The following PTPRJ variants were observed in gnomAD, a reference collection of about 807,000 sequenced individuals.
The protein encoded by PTPRJ is receptor-type tyrosine-protein phosphatase eta.
Under a neutral mutation model 141.3 loss-of-function variants are expected in PTPRJ, and 129 were observed. That is an observed-to-expected ratio of 0.91 (90% CI 0.79 to 1.06). The LOEUF is 1.06. PTPRJ is among the 50% of genes least tolerant of loss of function. PTPRJ has a pLI of 0.00. For missense variants in PTPRJ, 1,601 were observed against 1,679.7 expected (o/e 0.95, Z 0.82); for synonymous variants, 610 against 640.5 (o/e 0.95, Z 0.72).
intron 1 of PTPRJ, among the ~76,000 whole-genome samples, chr11:48,013,151 G>T (rs537579437): frequency 6.6e-6 from 1 of 151,460 alleles, no homozygotes; most frequent in African/African-American, 2.4e-5. Flanking sequence ...CAAGCCCCAC[G>T]GGACTGAGGG....
intron 3 of PTPRJ, 51 bp from the exon 4 acceptor site, chr11:48,120,952 T>C: frequency 6.8e-7 from 1 of 1,467,172 alleles, no homozygotes; most frequent in Middle Eastern, 2.0e-4. Flanking sequence ...ACCTCACTCT[T>C]ACATTTCTTT....
At chr11:48,013,150 C>T (rs1404475464) in intron 1 of PTPRJ, among the ~76,000 whole-genome samples, 4 of 150,950 alleles carry the variant, frequency 2.6e-5, no homozygotes, top group Non-Finnish European at 4.4e-5. Context: ...TCAAGCCCCA[C>T]GGGACTGAGG....
rs556861005 is a variant in PTPRJ, at chr11:48,055,632, G to T, written c.97-54426G>T. The stretch of plus-strand genomic sequence containing the variant: ...ACTTTAAGGCAGGCTAGCTTCCAAG[G>T]CATACTGACAGACATCCCTGTGCAG... On this transcript the variant is annotated intron_variant, in intron 1 of 24. Transcript: ENST00000418331. Among the ~76,000 whole-genome samples, 5 of 152,276 alleles carry T rather than the reference G, an allele frequency of 3.3e-5. No homozygotes were observed. In the South Asian group the frequency reaches 6.2e-4, roughly 19 times the overall value.
chr11:48,025,659 C>T (rs908294510), intron 1 of PTPRJ, among the ~76,000 whole-genome samples: 3 of 152,234 alleles, frequency 2.0e-5, no homozygotes, highest in African/African-American at 4.8e-5. Flanking sequence ...TCCTTCCCTT[C>T]CTGCACCTCC....
chr11:48,059,745 G>A (rs73464873), intron 1 of PTPRJ, among the ~76,000 whole-genome samples: 3,221 of 152,250 alleles, frequency 0.021, 68 homozygotes, highest in African/African-American at 0.055. Context: ...CCTCCCAGCC[G>A]CCTGATGAGG....
At chr11:48,095,550 A>AG (rs1855980117) in intron 1 of PTPRJ, among the ~76,000 whole-genome samples, 1 of 151,826 alleles carries the variant, frequency 6.6e-6, no homozygotes, top group Non-Finnish European at 1.5e-5. Context: ...TTATGGGTAT[A>AG]GCCAGCTATA....
rs866238366 is a variant in PTPRJ, at chr11:48,168,578, A to G, written c.*1216A>G. The stretch of plus-strand genomic sequence containing the variant: ...TATATATATATATATATATATATAT[A>G]TATACACTAAGCTCTCAAAAACAGT... On this transcript the variant is annotated 3_prime_UTR_variant, in exon 25 of 25. Coordinates refer to ENST00000418331, the MANE Select transcript of PTPRJ (RefSeq NM_002843.4). 2.4e-5 allele frequency: 3 copies of G among 126,980 alleles called. No homozygotes were observed. The highest frequency in any genetic ancestry group is 4.1e-3 in the Middle Eastern group (1 of 244). The allele number at this position is 126,980 out of a possible 1,614,324, so 7.9% of individuals were successfully genotyped here. A position where few individuals can be genotyped will look rare whatever the true frequency, so the allele number is the denominator to read the frequency against.
chr11:48,111,866 C>T (rs139987528), intron 2 of PTPRJ, among the ~76,000 whole-genome samples: 122 of 152,204 alleles, frequency 8.0e-4, no homozygotes, highest in African/African-American at 2.5e-3. Flanking sequence ...CAGCTCATAA[C>T]AGCTGGGGAG....
intron 1 of PTPRJ, among the ~76,000 whole-genome samples, chr11:47,983,853 T>C (rs1177323687): frequency 6.6e-6 from 1 of 152,150 alleles, no homozygotes. Flanking sequence ...GGTCTTGTAG[T>C]GTTTTGGTTT....
At chr11:48,144,371 G>A (rs1287337554) in intron 12 of PTPRJ, among the ~76,000 whole-genome samples, 17 of 152,178 alleles carry the variant, frequency 1.1e-4, no homozygotes, top group Admixed American at 1.0e-3. Flanking sequence ...GCCCTGGATT[G>A]GGAACCCAAC....
At position 48,167,974 on chromosome 11, in the gene PTPRJ, C is replaced by T. The variant is rs1180022124; in HGVS notation, c.*612C>T. The stretch of plus-strand genomic sequence containing the variant: ...AATTGGAATATACGGAATATTTAAA[C>T]AGTAGCTTAGCATCAGAGGTTTGCT... On this transcript the variant is annotated 3_prime_UTR_variant, in exon 25 of 25. Transcript: ENST00000418331. 1 of 152,150 alleles carries T rather than the reference C, an allele frequency of 6.6e-6. No individual in the cohort carries two copies. The highest frequency in any genetic ancestry group is 1.5e-5 in the Non-Finnish European group (1 of 68,044). 9.4% of individuals were successfully genotyped at this position (152,150 alleles called of 1,614,324 possible).
chr11:48,121,364 G>T (rs1341018406), intron 4 of PTPRJ, 98 bp downstream of exon 4: 1 of 1,345,292 alleles, frequency 7.4e-7, no homozygotes, highest in Admixed American at 2.1e-5. Context: ...AAAGAGAATG[G>T]TTTTCATAAA....
intron 4 of PTPRJ, among the ~76,000 whole-genome samples, chr11:48,122,942 G>A (rs896164747): frequency 6.6e-6 from 1 of 152,152 alleles, no homozygotes; most frequent in Non-Finnish European, 1.5e-5. Flanking sequence ...TACCAGGAGT[G>A]TGTGTTCTTG....
At chr11:48,019,800 G>A (rs1011939134) in intron 1 of PTPRJ, among the ~76,000 whole-genome samples, 3 of 152,192 alleles carry the variant, frequency 2.0e-5, no homozygotes, top group African/African-American at 4.8e-5. Context: ...TGTACACAGC[G>A]ATAGGCTGGG....
intron 1 of PTPRJ, among the ~76,000 whole-genome samples, chr11:48,050,164 A>G (rs1228488756): frequency 6.6e-6 from 1 of 152,230 alleles, no homozygotes; most frequent in Non-Finnish European, 1.5e-5. Context: ...TGGTGTATGC[A>G]CACAGACTGT....
chr11:48,066,624 C>T (rs1320552893), intron 1 of PTPRJ, among the ~76,000 whole-genome samples: 7 of 150,970 alleles, frequency 4.6e-5, no homozygotes, highest in East Asian at 3.9e-4. Flanking sequence ...CTCGCTGTGT[C>T]GCCCAGGCTG....
At chr11:48,103,033 G>A (rs1010392408) in intron 1 of PTPRJ, among the ~76,000 whole-genome samples, 3 of 152,180 alleles carry the variant, frequency 2.0e-5, no homozygotes, top group African/African-American at 7.2e-5. Context: ...CCTCCATAAA[G>A]TCAAAGGGTA....
chr11:48,005,623 T>C (rs1460110233), intron 1 of PTPRJ, among the ~76,000 whole-genome samples: 1 of 152,254 alleles, frequency 6.6e-6, no homozygotes, highest in Non-Finnish European at 1.5e-5. Context: ...GGGTCATTTC[T>C]ACTTTTTGGC....
At chr11:48,006,473 C>A (rs1854626763) in intron 1 of PTPRJ, among the ~76,000 whole-genome samples, 1 of 152,152 alleles carries the variant, frequency 6.6e-6, no homozygotes. Context: ...CAGAGAAGCT[C>A]TGAACCCTGC....
Sources: gnomAD v4.1 joint callset for allele counts (sites outside exome capture counted in the v4.1 genomes callset) on GRCh38, gnomAD v4.1.1 for gene constraint, MANE v1.5 for transcripts, NCBI Gene and HGNC (gene_info 2026-07-23, HGNC 2026-07-21) for gene names.